The following ALG3 variants were observed in gnomAD, a reference collection of about 807,000 sequenced individuals.
ALG3 encodes dol-P-Man:Man(5)GlcNAc(2)-PP-Dol alpha-1,3-mannosyltransferase.
In ALG3, 39 loss-of-function variants were observed where a neutral mutation model predicts 50.5. The observed-to-expected ratio is 0.77, with a 90% confidence interval of 0.60 to 1.01. The LOEUF (loss-of-function observed/expected upper bound fraction) is 1.01, where lower values mean the gene tolerates loss of function less well. Among genes scored for constraint, ALG3 ranks in the 50% least tolerant of loss-of-function variants. The pLI, the probability that ALG3 is intolerant of heterozygous loss-of-function variation, is 0.00. For synonymous variants in ALG3, 252 were observed against 237.2 expected (o/e 1.06, Z -0.58); for missense variants, 520 against 554.8 (o/e 0.94, Z 0.63).
intron 5 of ALG3, 99 bp from the exon 6 acceptor site, chr3:184,244,095 T>C: frequency 8.3e-7 from 1 of 1,211,858 alleles, no homozygotes. Flanking sequence ...GATGTAGGCC[T>C]CAGAGGTTCC....
At chr3:184,243,041 T>G in intron 7 of ALG3, 84 bp from the exon 8 acceptor site, 1 of 1,549,934 alleles carries the variant, frequency 6.5e-7, no homozygotes, top group Admixed American at 1.9e-5. Context: ...TTAGGTCACA[T>G]AGCCCTCTGG....
At chr3:184,245,018 G>A in intron 4 of ALG3, 180 bp downstream of exon 4, 1 of 859,602 alleles carries the variant, frequency 1.2e-6, no homozygotes, top group Non-Finnish European at 1.9e-6. Context: ...TGGAAAGAGG[G>A]CATGTGTGTA....
intron 4 of ALG3, 154 bp from the exon 5 acceptor site, chr3:184,244,875 G>A (rs1719044274): frequency 8.7e-7 from 1 of 1,147,496 alleles, no homozygotes; most frequent in South Asian, 1.5e-5. Flanking sequence ...AACTGTTGGA[G>A]GGAAGAGCCT....
chr3:184,248,797 G>A lies in ALG3; in HGVS notation c.144C>T (p.Cys48=), dbSNP rs1190063212. 1.9e-6 allele frequency: 3 copies of A among 1,604,876 alleles called. No homozygotes were observed. Among genetic ancestry groups the A allele is most frequent in the African/African-American group, 2.7e-5 (2 of 74,678 alleles). The part of the protein sequence containing the change: ...EPRYTLLVAA[C]LCLAEVGITF... ...TGATGCCCACCTCCGCCAGGCAGAG[G>A]CAGGCGGCCACCAGCAGCGTGTAGC... Residue 48 remains cysteine, a synonymous_variant, in exon 1 of 9, where the codon TGC becomes TGT. Coordinates refer to ENST00000397676, the MANE Select transcript of ALG3 (RefSeq NM_005787.6).
intron 1 of ALG3, among the ~76,000 whole-genome samples, chr3:184,247,197 C>A (rs903171231): frequency 5.9e-5 from 9 of 152,050 alleles, no homozygotes; most frequent in African/African-American, 2.2e-4. Context: ...AGCCACCGTG[C>A]CCAGCCAGGC....
rs762620823 is a variant in ALG3 at position 184,242,319 on chromosome 3, G to A, written c.*195C>T. The A allele has an allele frequency of 3.8e-6, 3 of 791,070 alleles. No homozygotes were observed. The highest frequency in any genetic ancestry group is 6.4e-6 in the Non-Finnish European group (3 of 468,144). The allele number at this position is 791,070 out of a possible 1,614,324, so 49.0% of individuals were successfully genotyped here. ...GTCCCCAAATCCTATGCAATAAAGTGCCTCTTAGGACTGCTTGAGTGAATT... is the reference window on the plus strand; with the variant it reads ...GTCCCCAAATCCTATGCAATAAAGTACCTCTTAGGACTGCTTGAGTGAATT... On this transcript the variant is annotated 3_prime_UTR_variant, in exon 9 of 9. Coordinates refer to ENST00000397676, the MANE Select transcript of ALG3 (RefSeq NM_005787.6).
At chr3:184,247,284 C>T (rs368573863) in intron 1 of ALG3, among the ~76,000 whole-genome samples, 2 of 150,380 alleles carry the variant, frequency 1.3e-5, no homozygotes, top group Admixed American at 6.6e-5. Flanking sequence ...CATGAGCCAC[C>T]GTGCCCAGTC....
At position 184,247,604 on chromosome 3, in the gene ALG3, G is replaced by A. The variant is rs914990384; in HGVS notation, c.196+1141C>T. Among the ~76,000 whole-genome samples, 5 of 151,776 alleles carry A rather than the reference G, an allele frequency of 3.3e-5. No homozygotes were observed. The South Asian group carries it at 1.0e-3, about 32-fold the overall frequency. ...TGTGCCGCTGCGCCCAGCCTAGCTGGAGATTTTTAATAGAGGATCCTCTGT... is the reference window on the plus strand; with the variant it reads ...TGTGCCGCTGCGCCCAGCCTAGCTGAAGATTTTTAATAGAGGATCCTCTGT... On this transcript the variant is annotated intron_variant, in intron 1 of 8. Transcript: ENST00000397676.
In ALG3 at chr3:184,242,464, A is replaced by C. The variant is rs706584; in HGVS notation, c.*50T>G. 357,901 of 1,588,802 alleles carry C rather than the reference A, an allele frequency of 0.23. 41,130 individuals carry two copies. Among genetic ancestry groups the C allele is most frequent in the African/African-American group, 0.29 (21,770 of 74,674 alleles). On this transcript the variant is annotated 3_prime_UTR_variant, in exon 9 of 9. Coordinates refer to ENST00000397676, the MANE Select transcript of ALG3 (RefSeq NM_005787.6). ...TTATTTGGAAGGGCAGAGTCCAACCAACCCCAGGTCCTGAGGGTAGACTCA... is the reference window on the plus strand; with the variant it reads ...TTATTTGGAAGGGCAGAGTCCAACCCACCCCAGGTCCTGAGGGTAGACTCA...
chr3:184,244,536 G>A, intron 5 of ALG3, 65 bp downstream of exon 5: 1 of 1,555,478 alleles, frequency 6.4e-7, no homozygotes, highest in Non-Finnish European at 8.7e-7. Flanking sequence ...CTCAGGGATA[G>A]AGCCCCTCAA....
At position 184,244,581 on chromosome 3, in the gene ALG3, G is replaced by A. The variant is rs1453435866; in HGVS notation, c.726+20C>T. ...GTGGCTTCTCCTTGATTAGAAAGAG[G>A]AAGGGTGAGATGGGGGTACCTGAAG... On this transcript the variant is annotated intron_variant, in intron 5 of 8. Transcript: ENST00000397676. 1 of 1,603,764 alleles carries A rather than the reference G, an allele frequency of 6.2e-7. No homozygotes were observed. Among genetic ancestry groups the A allele is most frequent in the Non-Finnish European group, 8.5e-7 (1 of 1,175,300 alleles).
At chr3:184,249,430 G>C, upstream of ALG3, 1 of 884,788 alleles carries the variant, frequency 1.1e-6, no homozygotes, top group African/African-American at 1.7e-5. Flanking sequence ...ATGAGAGGAC[G>C]CAGTGATGAG....
At chr3:184,243,236 C>G in intron 7 of ALG3, 1 of 568,700 alleles carries the variant, frequency 1.8e-6, no homozygotes, top group South Asian at 2.3e-5. Flanking sequence ...CTTAATTTTT[C>G]CATCTGTAAA....
chr3:184,242,466 C>T lies in ALG3; in HGVS notation c.*48G>A. 1 of 1,593,588 alleles carries T rather than the reference C, an allele frequency of 6.3e-7. No individual in the cohort carries two copies. Among genetic ancestry groups the T allele is most frequent in the Non-Finnish European group, 8.5e-7 (1 of 1,169,922 alleles). On this transcript the variant is annotated 3_prime_UTR_variant, in exon 9 of 9. Transcript: ENST00000397676. ...ATTTGGAAGGGCAGAGTCCAACCAA[C>T]CCCAGGTCCTGAGGGTAGACTCAGG... is the stretch of plus-strand genomic sequence containing the variant.
At chr3:184,246,378 C>T (rs1382694282) in intron 1 of ALG3, among the ~76,000 whole-genome samples, 2 of 152,162 alleles carry the variant, frequency 1.3e-5, no homozygotes, top group Admixed American at 6.5e-5. Flanking sequence ...CTCAATGATT[C>T]CCCAAGACCC....
In ALG3 at chr3:184,245,748, G is replaced by A; in HGVS notation, c.261C>T (p.Asp87=). The change falls in exon 2 of 9, where the codon GAC becomes GAT. Residue 87 remains aspartate, a synonymous_variant. Coordinates refer to ENST00000397676, the MANE Select transcript of ALG3 (RefSeq NM_005787.6). ...EVEGVINGTY[D]YTQLQGDTGP... ...CGGTGTCACCCTGCAGTTGGGTATA[G>A]TCATAGGTACCATTGATGACGCCTT... is the stretch of plus-strand genomic sequence containing the variant. 6.2e-7 allele frequency: 1 copy of A among 1,613,902 alleles called. No individual in the cohort carries two copies. The highest frequency in any genetic ancestry group is 8.5e-7 in the Non-Finnish European group (1 of 1,179,860).
chr3:184,248,534 A>G (rs1577108734), intron 1 of ALG3, among the ~76,000 whole-genome samples: 1 of 152,274 alleles, frequency 6.6e-6, no homozygotes, highest in East Asian at 1.9e-4. Context: ...CAGAAGGCCA[A>G]TCTCTAGGGT....
At position 184,243,825 on chromosome 3, in the gene ALG3, G is replaced by A; in HGVS notation, c.898C>T (p.Leu300=). The A allele has an allele frequency of 6.2e-7, 1 of 1,614,000 alleles. No individual in the cohort carries two copies. The highest frequency in any genetic ancestry group is 2.2e-5 in the East Asian group (1 of 44,882). Residue 300 remains leucine (L), a synonymous_variant, in exon 6 of 9, where the codon CTG becomes TTG. Transcript: ENST00000397676. ...CTGCAGAGGGCAAACAGCAGGAGCA[G>A]GGTGAGGTGGGCAGTCAACAGGGCC... ...HLALLTAHLT[L]LLLFALCRWH... is the part of the protein sequence containing the mutation.
At chr3:184,244,401 A>T in intron 5 of ALG3, 200 bp downstream of exon 5, 1 of 681,658 alleles carries the variant, frequency 1.5e-6, no homozygotes, top group Non-Finnish European at 2.3e-6. Context: ...AAAAAAAGCA[A>T]AAAGGCTCTC....
Sources: gnomAD v4.1 joint callset for allele counts (sites outside exome capture counted in the v4.1 genomes callset) on GRCh38, gnomAD v4.1.1 for gene constraint, MANE v1.5 for transcripts, NCBI Gene and HGNC (gene_info 2026-07-23, HGNC 2026-07-21) for gene names.